Variants in PCDH15 observed in about 807,000 individuals in gnomAD.
PCDH15 encodes the protein protocadherin-15.
PCDH15 carries 129 observed loss-of-function variants against 178.5 expected under a neutral mutation model. The ratio of observed to expected loss-of-function variants is 0.72; its 90% CI spans 0.63 to 0.84. PCDH15 has a LOEUF of 0.84. Ranked by LOEUF, PCDH15 falls within the 40% of genes least tolerant of loss-of-function variation. The probability of loss-of-function intolerance (pLI) is 0.00; values close to 1 mark genes in which losing one functional copy is unlikely to be tolerated. For missense variants in PCDH15, 2,230 were observed against 2,099.9 expected (o/e 1.06, Z -1.21); for synonymous variants, 800 against 732.0 (o/e 1.09, Z -1.50).
intron 9 of PCDH15, among the ~76,000 whole-genome samples, chr10:54,235,636 CCT>C (rs1241995488): frequency 6.6e-6 from 1 of 152,082 alleles, no homozygotes; most frequent in Non-Finnish European, 1.5e-5. Context: ...ATTTAGAGTG[CCT>C]TAAATATTGT....
chr10:55,348,412 A>ATAAT lies in PCDH15; in HGVS notation c.-155-181765_-155-181762dup, dbSNP rs372572725. 5.8e-3 allele frequency among the ~76,000 whole-genome samples: 855 copies of ATAAT among 147,824 alleles called. 8 individuals are homozygous for ATAAT. The highest frequency in any genetic ancestry group is 0.022 in the African/African-American group (818 of 37,418). ...GTGCTTTCTTTCATTCATTCCAACAATAATAACAATAATAACGAGGCCCTA... is the reference window on the plus strand; with the variant it reads ...GTGCTTTCTTTCATTCATTCCAACAATAATTAATAACAATAATAACGAGGCCCTA... On this transcript the variant is annotated intron_variant, in intron 2 of 5. Coordinates refer to the PCDH15 transcript ENST00000613346.
Position 54,622,641 on chromosome 10 carries a change from A to AT in PCDH15, c.91+41530_91+41531insA, listed in dbSNP as rs1203917573. Among the ~76,000 whole-genome samples the AT allele has an allele frequency of 4.8e-4, 19 of 39,432 alleles. 1 individual carries two copies. Among genetic ancestry groups the AT allele is most frequent in the African/African-American group, 2.0e-3 (17 of 8,468 alleles). 25.9% of individuals were successfully genotyped at this position (39,432 alleles called of 152,430 possible). A position where few individuals can be genotyped will look rare whatever the true frequency, so the allele number is the denominator to read the frequency against. ...ATAATATATATAATATATATTATATAATTATATATATACTATATAATATAT... is the reference window on the plus strand; with the variant it reads ...ATAATATATATAATATATATTATATATATTATATATATACTATATAATATAT... On this transcript the variant is annotated intron_variant, in intron 2 of 37. Coordinates refer to ENST00000644397, the MANE Select transcript of PCDH15 (RefSeq NM_001384140.1).
chr10:55,086,960 A>G (rs1842186564), intron 2 of PCDH15, among the ~76,000 whole-genome samples: 1 of 152,036 alleles, frequency 6.6e-6, no homozygotes, highest in African/African-American at 2.4e-5. Context: ...AACTTCTCGA[A>G]TGGTTCAAGA....
At chr10:55,617,124 AT>A in intron 2 of PCDH15, among the ~76,000 whole-genome samples, 1 of 152,152 alleles carries the variant, frequency 6.6e-6, no homozygotes, top group African/African-American at 2.4e-5. Context: ...AACTTCAGGT[AT>A]TTTTTGTAAA....
At chr10:55,438,131 G>C (rs1405554915) in intron 2 of PCDH15, among the ~76,000 whole-genome samples, 1 of 151,280 alleles carries the variant, frequency 6.6e-6, no homozygotes, top group Non-Finnish European at 1.5e-5. Flanking sequence ...CCCTGCGCCT[G>C]GCCTCTCTTT....
intron 23 of PCDH15, among the ~76,000 whole-genome samples, chr10:53,947,251 C>T (rs1258637560): frequency 6.6e-6 from 1 of 151,932 alleles, no homozygotes; most frequent in African/African-American, 2.4e-5. Context: ...GAAACAATTA[C>T]AATTTAAAAT....
intron 15 of PCDH15, among the ~76,000 whole-genome samples, chr10:54,118,782 T>TTA (rs763426121): frequency 4.6e-5 from 7 of 151,870 alleles, no homozygotes; most frequent in East Asian, 3.9e-4. Flanking sequence ...ATTTTTATTT[T>TTA]TTTTTGTCAA....
At chr10:54,939,494 C>CAAAAAGAAAAAAAA (rs1838003809) in intron 2 of PCDH15, among the ~76,000 whole-genome samples, 3 of 26,664 alleles carry the variant, frequency 1.1e-4, no homozygotes, top group Non-Finnish European at 2.4e-4. Flanking sequence ...GACTCCGTCT[C>CAAAAAGAAAAAAAA]AAAAAAAAAA....
intron 9 of PCDH15, 45 bp from the exon 10 acceptor site, chr10:54,214,093 A>C (rs919173366): frequency 5.9e-6 from 6 of 1,024,550 alleles, no homozygotes; most frequent in Non-Finnish European, 7.8e-6. Flanking sequence ...AACAATAAGT[A>C]ATATGTGTAT....
chr10:53,851,775 T>C (rs1434560469), intron 28 of PCDH15, among the ~76,000 whole-genome samples: 1 of 146,970 alleles, frequency 6.8e-6, no homozygotes, highest in Non-Finnish European at 1.5e-5. Context: ...AAATTCTATA[T>C]ACGTAATATA....
chr10:55,018,609 A>G (rs1840244970), intron 2 of PCDH15, among the ~76,000 whole-genome samples: 1 of 152,144 alleles, frequency 6.6e-6, no homozygotes, highest in Admixed American at 6.6e-5. Flanking sequence ...AAGGAAATAA[A>G]TGTGTCTGAA....
At chr10:53,997,319 G>A (rs188932903) in intron 20 of PCDH15, among the ~76,000 whole-genome samples, 125 of 152,152 alleles carry the variant, frequency 8.2e-4, no homozygotes, top group African/African-American at 2.9e-3. Context: ...GCTCCATGCA[G>A]GGAGTAAATA....
chr10:54,171,204 G>A (rs12770818), intron 13 of PCDH15, among the ~76,000 whole-genome samples: 65,228 of 151,706 alleles, frequency 0.43, 14,536 homozygotes, highest in Middle Eastern at 0.47. Context: ...AGTTTTTCAG[G>A]CTCTTAATAT....
intron 6 of PCDH15, 46 bp downstream of exon 6, chr10:54,346,319 T>C (rs1397986343): frequency 9.5e-6 from 15 of 1,583,354 alleles, no homozygotes; most frequent in Non-Finnish European, 1.3e-5. Context: ...AATCATTAAT[T>C]TTATTCCTTT....
chr10:54,956,507 T>A (rs1366239285), intron 2 of PCDH15, among the ~76,000 whole-genome samples: 4 of 151,504 alleles, frequency 2.6e-5, no homozygotes, highest in Admixed American at 1.3e-4. Context: ...TTCATAATTA[T>A]TATTTTCCTT....
intron 2 of PCDH15, among the ~76,000 whole-genome samples, chr10:55,458,008 A>G (rs7088828): frequency 0.77 from 116,303 of 151,912 alleles, 45,885 homozygotes; most frequent in East Asian, 1. Flanking sequence ...ATAAGGAATC[A>G]TTGCACATGC....
chr10:55,358,483 C>A (rs558214932), intron 2 of PCDH15, among the ~76,000 whole-genome samples: 26 of 152,132 alleles, frequency 1.7e-4, no homozygotes, highest in Middle Eastern at 3.4e-3. Context: ...ATTACACTCA[C>A]AATACTTAGT....
At chr10:55,296,115 G>T (rs966987643) in intron 1 of PCDH15, among the ~76,000 whole-genome samples, 2 of 152,124 alleles carry the variant, frequency 1.3e-5, no homozygotes, top group Non-Finnish European at 2.9e-5. Context: ...GTGATGCATG[G>T]GGCAAGGTGT....
At chr10:54,310,008 G>A (rs2060804352) in intron 8 of PCDH15, among the ~76,000 whole-genome samples, 1 of 152,038 alleles carries the variant, frequency 6.6e-6, no homozygotes, top group Admixed American at 6.6e-5. Flanking sequence ...ATCATTTTAG[G>A]TTAACTGATA....
Sources: allele counts gnomAD v4.1 joint callset (sites outside exome capture counted in the v4.1 genomes callset), GRCh38; gene constraint gnomAD v4.1.1; transcripts MANE v1.5; gene names NCBI Gene and HGNC (gene_info 2026-07-23, HGNC 2026-07-21).